The following PHF5A variants were observed in gnomAD, a reference collection of about 807,000 sequenced individuals.
PHF5A encodes the protein PHD finger protein 5A.
For synonymous variants in PHF5A, 52 were observed against 46.0 expected, an observed-to-expected ratio of 1.13 and a Z score of -0.52; for missense variants, 24 against 140.6, an observed-to-expected ratio of 0.17 and a Z score of 4.19.
At chr22:41,463,495 A>G (rs1212107058) in intron 3 of PHF5A, among the ~76,000 whole-genome samples, 1 of 152,026 alleles carries the variant, frequency 6.6e-6, no homozygotes, top group Non-Finnish European at 1.5e-5. Flanking sequence ...TGGGAGGCCA[A>G]GGTGGGTGGA....
chr22:41,463,136 C>T (rs539564528), intron 3 of PHF5A, among the ~76,000 whole-genome samples: 5 of 151,892 alleles, frequency 3.3e-5, no homozygotes, highest in South Asian at 2.1e-4. Context: ...CCTCCCAAAG[C>T]GCTGGGATTA....
chr22:41,465,533 T>G (rs1568994886), intron 3 of PHF5A, among the ~76,000 whole-genome samples: 2 of 152,070 alleles, frequency 1.3e-5, no homozygotes, highest in Non-Finnish European at 2.9e-5. Flanking sequence ...GTGCGTGAAA[T>G]GAGGTACTGG....
At chr22:41,468,506 G>C (rs2037894190) in intron 1 of PHF5A, 96 bp downstream of exon 1, 2 of 1,381,062 alleles carry the variant, frequency 1.4e-6, no homozygotes, top group African/African-American at 2.9e-5. Flanking sequence ...CGTGGCGCCT[G>C]CGAGGCAAGC....
Position 41,460,141 on chromosome 22 carries a change from C to T in PHF5A, c.*257G>A, listed in dbSNP as rs1462918118. 1 of 307,136 alleles carries T rather than the reference C, an allele frequency of 3.3e-6. No homozygotes were observed. 19.0% of individuals were successfully genotyped at this position (307,136 alleles called of 1,614,324 possible). ...ATATGGAGAACAGATCTTTGCTTCT[C>T]GAATTCAAGAAAAACCATTAACTAA... is the stretch of plus-strand genomic sequence containing the variant. On this transcript the variant is annotated 3_prime_UTR_variant, in exon 4 of 4. Coordinates refer to ENST00000216252, the MANE Select transcript of PHF5A (RefSeq NM_032758.4).
At position 41,460,371 on chromosome 22, in the gene PHF5A, T is replaced by C. The variant is rs1601863670; in HGVS notation, c.*27A>G. 5.1e-6 allele frequency: 8 copies of C among 1,563,494 alleles called. No homozygotes were observed. The East Asian group carries it at 1.8e-4, about 36-fold the overall frequency. ...TCTGGCAGCTGCAGCAGACTGATGT[T>C]GGGGGGAGGAAGGGGCCACCCACCA... On this transcript the variant is annotated 3_prime_UTR_variant, in exon 4 of 4. Transcript: ENST00000216252.
chr22:41,468,225 G>T, intron 1 of PHF5A, 78 bp from the exon 2 acceptor site: 2 of 1,449,210 alleles, frequency 1.4e-6, no homozygotes. Flanking sequence ...CTCGAGCTGG[G>T]GGTAGGGACA....
intron 3 of PHF5A, 100 bp from the exon 4 acceptor site, chr22:41,460,587 TC>T: frequency 1.2e-6 from 1 of 816,130 alleles, no homozygotes; most frequent in Non-Finnish European, 1.9e-6. Context: ...GTGCCTTTAG[TC>T]CCAGCTACTA....
intron 3 of PHF5A, among the ~76,000 whole-genome samples, chr22:41,464,894 A>G (rs1458522668): frequency 6.6e-6 from 1 of 152,218 alleles, no homozygotes; most frequent in Admixed American, 6.5e-5. Flanking sequence ...ACTTACAGGG[A>G]CAGCACCAAA....
intron 1 of PHF5A, 92 bp downstream of exon 1, chr22:41,468,510 G>A: frequency 2.1e-6 from 3 of 1,416,756 alleles, no homozygotes; most frequent in Non-Finnish European, 3.0e-6. Flanking sequence ...GCGCCTGCGA[G>A]GCAAGCCCCT....
intron 1 of PHF5A, 79 bp downstream of exon 1, chr22:41,468,523 G>A: frequency 1.3e-6 from 2 of 1,494,844 alleles, no homozygotes; most frequent in Non-Finnish European, 1.9e-6. Flanking sequence ...AAGCCCCTAA[G>A]GAAGAGACGG....
At chr22:41,462,229 T>C (rs2037832654) in intron 3 of PHF5A, among the ~76,000 whole-genome samples, 1 of 152,182 alleles carries the variant, frequency 6.6e-6, no homozygotes, top group African/African-American at 2.4e-5. Flanking sequence ...GGGGAAGCTG[T>C]AACTGGAAAA....
intron 1 of PHF5A, 62 bp from the exon 2 acceptor site, chr22:41,468,209 T>C: frequency 1.3e-6 from 2 of 1,551,772 alleles, no homozygotes; most frequent in Non-Finnish European, 1.8e-6. Flanking sequence ...AGAGGAGAAG[T>C]ACATCCTCGA....
At chr22:41,464,800 T>A (rs1235827281) in intron 3 of PHF5A, among the ~76,000 whole-genome samples, 1 of 152,238 alleles carries the variant, frequency 6.6e-6, no homozygotes, top group Non-Finnish European at 1.5e-5. Flanking sequence ...TGTTACCTTA[T>A]CATGCTTTCA....
chr22:41,467,567 G>C lies in PHF5A; in HGVS notation c.124C>G (p.Leu42Val). Residue 42 changes from leucine (L) to valine (V), a missense_variant, in exon 3 of 4, where the codon CTG becomes GTG. Transcript: ENST00000216252. ...ICDSYVRPCT[L>V]VRICDECNYG... ...TTACACTCATCACATATGCGCACCA[G>C]AGTGCAGGGACGCACATAGGAGTCA... The C allele has an allele frequency of 6.2e-7, 1 of 1,614,194 alleles. No homozygotes were observed. The highest frequency in any genetic ancestry group is 8.5e-7 in the Non-Finnish European group (1 of 1,180,040).
chr22:41,460,833 G>A (rs2037821769), intron 3 of PHF5A, among the ~76,000 whole-genome samples: 1 of 152,080 alleles, frequency 6.6e-6, no homozygotes, highest in African/African-American at 2.4e-5. Context: ...TTAATTGGGA[G>A]GCCCAGATCA....
chr22:41,467,904 G>A (rs1859932806), intron 2 of PHF5A: 1 of 615,752 alleles, frequency 1.6e-6, no homozygotes, highest in Admixed American at 2.9e-5. Context: ...GAGGGGTCAT[G>A]CTACTCTGGC....
chr22:41,461,687 G>A (rs767515988), intron 3 of PHF5A, among the ~76,000 whole-genome samples: 4 of 150,996 alleles, frequency 2.6e-5, no homozygotes, highest in South Asian at 2.1e-4. Context: ...TTTTTGAGAC[G>A]GAGTCTTGCT....
chr22:41,465,176 C>A (rs911904034), intron 3 of PHF5A, among the ~76,000 whole-genome samples: 3 of 151,952 alleles, frequency 2.0e-5, no homozygotes, highest in Non-Finnish European at 2.9e-5. Flanking sequence ...ATGGTGTACT[C>A]ACTTTTTTTT....
rs1280088540 is a variant in PHF5A at position 41,460,014 on chromosome 22, G to A, written c.*384C>T. On this transcript the variant is annotated 3_prime_UTR_variant, in exon 4 of 4. Transcript: ENST00000216252. Reference sequence around the variant, plus strand: ...ACAGCTGCCACCAGAGCTGCTGCAAGAACATGTTTTTCACTGGGCGTCGCT... The same window carrying A: ...ACAGCTGCCACCAGAGCTGCTGCAAAAACATGTTTTTCACTGGGCGTCGCT... The A allele has an allele frequency of 6.8e-6, 1 of 147,402 alleles. No individual in the cohort carries two copies. Among genetic ancestry groups the A allele is most frequent in the African/African-American group, 2.5e-5 (1 of 39,784 alleles). 9.1% of individuals were successfully genotyped at this position (147,402 alleles called of 1,614,324 possible). A position where few individuals can be genotyped will look rare whatever the true frequency, so the allele number is the denominator to read the frequency against.
Sources: allele counts gnomAD v4.1 joint callset (sites outside exome capture counted in the v4.1 genomes callset), GRCh38; gene constraint gnomAD v4.1.1; transcripts MANE v1.5; gene names NCBI Gene and HGNC (gene_info 2026-07-23, HGNC 2026-07-21).